Variants in PLB1 observed in about 807,000 individuals in gnomAD.
PLB1 encodes phospholipase B1, also known as phospholipase B1, membrane-associated.
In PLB1, 242 loss-of-function variants were observed where a neutral mutation model predicts 227.4. The ratio of observed to expected loss-of-function variants is 1.06; its 90% confidence interval spans 0.96 to 1.18. The LOEUF (loss-of-function observed/expected upper bound fraction) is 1.18, where lower values mean the gene tolerates loss of function less well. PLB1 is among the 50% of genes most tolerant of loss of function. The pLI, the probability that PLB1 is intolerant of heterozygous loss-of-function variation, is 0.00. For missense variants in PLB1, 1,858 were observed against 1,816.3 expected (o/e 1.02, Z -0.42); for synonymous variants, 757 against 682.2 (o/e 1.11, Z -1.71).
rs751201530 is a variant in PLB1 at position 28,617,789 on chromosome 2, T to C, written c.3256+2T>C. 1 of 1,613,424 alleles carries C rather than the reference T, an allele frequency of 6.2e-7. No individual in the cohort carries two copies. Among genetic ancestry groups the C allele is most frequent in the South Asian group, 1.1e-5 (1 of 91,070 alleles). ...CTTCCAATAGTGTTCCAACCTCTGG[T>C]GAGTGAAAACATCATCATCTCCTTC... On this transcript the variant is annotated splice_donor_variant, in intron 45 of 57. Transcript: ENST00000327757. LOFTEE classifies it high-confidence loss of function.
At chr2:28,539,659 T>G (rs1672189281) in intron 11 of PLB1, among the ~76,000 whole-genome samples, 1 of 151,814 alleles carries the variant, frequency 6.6e-6, no homozygotes, top group Non-Finnish European at 1.5e-5. Flanking sequence ...GAAGTTCATG[T>G]GGAAAAAGTC....
chr2:28,590,548 CAGA>C (rs953780340), intron 29 of PLB1, among the ~76,000 whole-genome samples: 1 of 152,128 alleles, frequency 6.6e-6, no homozygotes, highest in Non-Finnish European at 1.5e-5. Flanking sequence ...GAAAGAAAAG[CAGA>C]AGAAGCCCCC....
chr2:28,538,430 C>CCCT, intron 10 of PLB1, 49 bp downstream of exon 10: 1 of 1,554,570 alleles, frequency 6.4e-7, no homozygotes, highest in Non-Finnish European at 8.8e-7. Flanking sequence ...GGCCCATTTA[C>CCCT]CCTCATGTGG....
chr2:28,539,254 T>C (rs528207006), intron 11 of PLB1, 76 bp downstream of exon 11: 10 of 1,307,430 alleles, frequency 7.6e-6, no homozygotes, highest in South Asian at 7.2e-5. Flanking sequence ...GCCCTTCATG[T>C]GCCGTAATCT....
intron 17 of PLB1, among the ~76,000 whole-genome samples, chr2:28,562,016 T>C (rs1406641212): frequency 6.6e-6 from 1 of 152,140 alleles, no homozygotes; most frequent in Non-Finnish European, 1.5e-5. Flanking sequence ...ACATGAAATA[T>C]CCAGAATAGA....
rs1006384993 is a variant in PLB1, at chr2:28,639,320, G to A, written c.4099-1607G>A. On this transcript the variant is annotated intron_variant, in intron 56 of 57. Transcript: ENST00000327757. ...TTGATGGATGCTTCTGAGAAGCCAA[G>A]CAAGTTGAAGACAAAAAAAAAAAAA... Among the ~76,000 whole-genome samples, 6 of 144,414 alleles carry A rather than the reference G, an allele frequency of 4.2e-5. No homozygotes were observed. In the East Asian group the frequency reaches 6.1e-4, roughly 15 times the overall value. 94.7% of individuals were successfully genotyped at this position (144,414 alleles called of 152,430 possible).
At chr2:28,601,483 A>G in intron 37 of PLB1, 151 bp downstream of exon 37, 1 of 656,040 alleles carries the variant, frequency 1.5e-6, no homozygotes, top group East Asian at 2.7e-5. Flanking sequence ...ACACACACAC[A>G]CACACACACA....
At chr2:28,543,398 G>A (rs1672779493) in intron 14 of PLB1, 130 bp downstream of exon 14, 1 of 935,662 alleles carries the variant, frequency 1.1e-6, no homozygotes, top group Non-Finnish European at 1.6e-6. Flanking sequence ...GGGCCACCAG[G>A]GATGCTTCTG....
At position 28,506,386 on chromosome 2, in the gene PLB1, C is replaced by T. The variant is rs368887218; in HGVS notation, c.55+10217C>T. Among the ~76,000 whole-genome samples the T allele has an allele frequency of 1.8e-4, 27 of 152,024 alleles. No individual in the cohort carries two copies. In the East Asian group the frequency reaches 2.9e-3, roughly 16 times the overall value. On this transcript the variant is annotated intron_variant, in intron 1 of 57. Coordinates refer to ENST00000327757, the MANE Select transcript of PLB1 (RefSeq NM_153021.5). ...AACACCAAGGAGCAGAGAGGGCAGG[C>T]AAGGGGAGGGCATGGCAATGATGGG...
intron 1 of PLB1, among the ~76,000 whole-genome samples, chr2:28,510,877 C>T (rs1190307448): frequency 4.0e-5 from 6 of 151,772 alleles, no homozygotes; most frequent in Non-Finnish European, 8.8e-5. Context: ...ATCCTTCCAC[C>T]TCGGTCTCTC....
At chr2:28,625,008 C>T (rs768388105) in intron 49 of PLB1, 49 bp from the exon 50 acceptor site, 23 of 1,570,310 alleles carry the variant, frequency 1.5e-5, no homozygotes, top group Non-Finnish European at 2.0e-5. Context: ...TGTCGTGAGT[C>T]CTCGCTCCTG....
At chr2:28,559,113 C>T (rs1572967001) in intron 17 of PLB1, among the ~76,000 whole-genome samples, 1 of 152,346 alleles carries the variant, frequency 6.6e-6, no homozygotes, top group Middle Eastern at 3.4e-3. Flanking sequence ...GCAGCCTCTG[C>T]CTCCTGGGCT....
intron 16 of PLB1, among the ~76,000 whole-genome samples, chr2:28,551,244 A>G (rs1674198449): frequency 6.6e-6 from 1 of 152,220 alleles, no homozygotes; most frequent in Non-Finnish European, 1.5e-5. Flanking sequence ...GAGTGGGTCC[A>G]CACTGGTAGG....
chr2:28,583,711 G>A (rs1427418561), intron 25 of PLB1, among the ~76,000 whole-genome samples: 2 of 152,148 alleles, frequency 1.3e-5, no homozygotes, highest in South Asian at 2.1e-4. Context: ...TGTGCAGGCC[G>A]GATGCTCCAA....
chr2:28,560,371 G>C (rs1010106260), intron 17 of PLB1, among the ~76,000 whole-genome samples: 13 of 152,258 alleles, frequency 8.5e-5, no homozygotes, highest in African/African-American at 2.6e-4. Flanking sequence ...AGAAATTCTA[G>C]GGGTGGTCCC....
intron 1 of PLB1, among the ~76,000 whole-genome samples, chr2:28,504,321 T>C (rs1189441899): frequency 2.0e-5 from 3 of 152,240 alleles, no homozygotes; most frequent in Admixed American, 6.5e-5. Flanking sequence ...AACCTGATCG[T>C]TGAAGATTTT....
chr2:28,539,814 G>A (rs13392504), intron 11 of PLB1, among the ~76,000 whole-genome samples: 100,490 of 151,678 alleles, frequency 0.66, 33,541 homozygotes, highest in East Asian at 0.77. Flanking sequence ...GTGAAGAACA[G>A]TGAGCGGGGA....
At chr2:28,559,329 A>C (rs562760544) in intron 17 of PLB1, among the ~76,000 whole-genome samples, 8 of 152,346 alleles carry the variant, frequency 5.3e-5, no homozygotes, top group African/African-American at 1.9e-4. Flanking sequence ...GGGCCCAGCC[A>C]TCTGTGTTTT....
chr2:28,596,000 T>C (rs1034538201), intron 33 of PLB1: 2 of 152,224 alleles, frequency 1.3e-5, no homozygotes, highest in Non-Finnish European at 2.9e-5. Context: ...TTTTCTTCCA[T>C]TGAAATAAGT....
Sources: allele counts gnomAD v4.1 joint callset (sites outside exome capture counted in the v4.1 genomes callset), GRCh38; gene constraint gnomAD v4.1.1; transcripts MANE v1.5; gene names NCBI Gene and HGNC (gene_info 2026-07-23, HGNC 2026-07-21).